Variants in DNAJB1 observed in about 807,000 individuals in gnomAD.
The protein encoded by DNAJB1 is DnaJ heat shock protein family (Hsp40) member B1, also known as dnaJ homolog subfamily B member 1.
In DNAJB1, 14 loss-of-function variants were observed where a neutral mutation model predicts 24.0. The observed-to-expected ratio is 0.58, with a 90% confidence interval of 0.39 to 0.91. The LOEUF is 0.91. Ranked by LOEUF, DNAJB1 falls within the 40% of genes least tolerant of loss-of-function variation. The probability of loss-of-function intolerance (pLI) is 0.00; values close to 1 mark genes in which losing one functional copy is unlikely to be tolerated. For missense variants in DNAJB1, 517 were observed against 458.1 expected (o/e 1.13, Z -1.17); for synonymous variants, 262 against 174.4 (o/e 1.50, Z -3.96).
Position 14,518,321 on chromosome 19 carries a change from C to A in DNAJB1, c.29G>T (p.Gly10Val). The change falls in exon 1 of 3, where the codon GGC (glycine) becomes GTC (valine). Residue 10 changes from glycine (G) to valine (V), a missense_variant. Transcript: ENST00000254322. ...CTCGTCCGACGCGCCGCGGGCCAGG[C>A]CCAACGTCTGGTAGTAGTCTTTACC... The part of the protein sequence containing the change: MGKDYYQTL[G>V]LARGASDEEI... 1.9e-6 allele frequency: 3 copies of A among 1,603,368 alleles called. No homozygotes were observed. Among genetic ancestry groups the A allele is most frequent in the Non-Finnish European group, 2.5e-6 (3 of 1,177,520 alleles).
At chr19:14,547,959 AT>A (rs1281716289) in intron 1 of DNAJB1, among the ~76,000 whole-genome samples, 1 of 134,866 alleles carries the variant, frequency 7.4e-6, no homozygotes, top group Non-Finnish European at 1.6e-5. Flanking sequence ...TTTAATGGGC[AT>A]TTCTTTTTTT....
In DNAJB1 at chr19:14,536,022, C is replaced by T. The variant is rs537010355; in HGVS notation, c.-213-8212G>A. Among the ~76,000 whole-genome samples, 159 of 152,122 alleles carry T rather than the reference C, an allele frequency of 1.0e-3. 4 individuals carry two copies. In the South Asian group the frequency reaches 0.03, roughly 28 times the overall value. ...GTAGGCACTCAGAATCTCAGAGCCC[C>T]AGGCTTGAGATAATTTTTCTGGTTT... On this transcript the variant is annotated intron_variant, in intron 1 of 3. Transcript: ENST00000676982.
In DNAJB1 at chr19:14,516,808, G is replaced by A. The variant is rs2072272518; in HGVS notation, c.450C>T (p.Arg150=). The change falls in exon 2 of 3, where the codon CGC becomes CGT. Residue 150 remains arginine (R), a synonymous_variant. Coordinates refer to ENST00000254322, the MANE Select transcript of DNAJB1 (RefSeq NM_006145.3). ...GFTNVNFGRS[R]SAQEPARKKQ... Reference sequence around the variant, plus strand: ...TCTTTCGGGCGGGCTCTTGGGCAGAGCGGGAGCGGCCAAAGTTCACGTTGG... The same window carrying A: ...TCTTTCGGGCGGGCTCTTGGGCAGAACGGGAGCGGCCAAAGTTCACGTTGG... The A allele has an allele frequency of 3.1e-6, 5 of 1,613,850 alleles. No individual in the cohort carries two copies. The highest frequency in any genetic ancestry group is 4.2e-6 in the Non-Finnish European group (5 of 1,179,970).
chr19:14,554,594 C>G (rs2073653130), upstream of DNAJB1, among the ~76,000 whole-genome samples: 1 of 152,184 alleles, frequency 6.6e-6, no homozygotes, highest in African/African-American at 2.4e-5. Flanking sequence ...CTGTGTGTGC[C>G]AGGCCTTCAG....
At chr19:14,557,896 C>T (rs1374406506) in intron 1 of DNAJB1, among the ~76,000 whole-genome samples, 1 of 152,122 alleles carries the variant, frequency 6.6e-6, no homozygotes, top group African/African-American at 2.4e-5. Context: ...GCTGGGACTA[C>T]AGGCACCCAC....
In DNAJB1 at chr19:14,516,169, G is replaced by C; in HGVS notation, c.794C>G (p.Ala265Gly). Residue 265 changes from alanine (A) to glycine (G), a missense_variant and splice_region_variant, in exon 3 of 3, where the codon GCT (alanine) becomes GGT (glycine). Transcript: ENST00000254322. The stretch of plus-strand genomic sequence containing the variant: ...GACGTTCACTGTGCAGCCACACAGA[G>C]CCTTGAAAAGCAAAAGGACAGCATT... Reference protein sequence around the residue: ...IYPARISLREALCGCTVNVPT... With the variant: ...IYPARISLREGLCGCTVNVPT... The C allele has an allele frequency of 1.9e-6, 3 of 1,613,382 alleles. No individual in the cohort carries two copies. The highest frequency in any genetic ancestry group is 2.5e-6 in the Non-Finnish European group (3 of 1,179,884).
intron 2 of DNAJB1, among the ~76,000 whole-genome samples, chr19:14,525,818 G>A (rs539342868): frequency 6.6e-6 from 1 of 150,914 alleles, no homozygotes; most frequent in Non-Finnish European, 1.5e-5. Flanking sequence ...AAAAAAAAAA[G>A]AAGGAGAAAA....
chr19:14,518,314 G>A lies in DNAJB1; in HGVS notation c.36C>T (p.Ala12=), dbSNP rs2072313720. The A allele has an allele frequency of 3.1e-6, 5 of 1,605,578 alleles. No homozygotes were observed. The highest frequency in any genetic ancestry group is 2.2e-5 in the East Asian group (1 of 44,470). ...GKDYYQTLGL[A]RGASDEEIKR... ...TGATCTCCTCGTCCGACGCGCCGCGGGCCAGGCCCAACGTCTGGTAGTAGT... is the reference window on the plus strand; with the variant it reads ...TGATCTCCTCGTCCGACGCGCCGCGAGCCAGGCCCAACGTCTGGTAGTAGT... Residue 12 remains alanine (A), a synonymous_variant, in exon 1 of 3, where the codon GCC becomes GCT. Coordinates refer to ENST00000254322, the MANE Select transcript of DNAJB1 (RefSeq NM_006145.3).
At chr19:14,520,173 C>T (rs1165590661), upstream of DNAJB1, among the ~76,000 whole-genome samples, 1 of 152,154 alleles carries the variant, frequency 6.6e-6, no homozygotes, top group Non-Finnish European at 1.5e-5. Context: ...GCAAAGTGCT[C>T]AGAGCAGGCA....
intron 1 of DNAJB1, 29 bp from the exon 2 acceptor site, chr19:14,517,075 T>C (rs747048393): frequency 1.1e-5 from 17 of 1,577,498 alleles, no homozygotes; most frequent in Non-Finnish European, 1.4e-5. Flanking sequence ...AGCAGTCAGA[T>C]GGCTGAACAG....
Position 14,514,921 on chromosome 19 carries a change from C to G in DNAJB1, c.*1019G>C, listed in dbSNP as rs1373998833. Reference sequence around the variant, plus strand: ...AGACATTTGTTCCAACTCCCCTTCCCTCCCCAAGATTTCTTCAGAATTCCA... The same window carrying G: ...AGACATTTGTTCCAACTCCCCTTCCGTCCCCAAGATTTCTTCAGAATTCCA... On this transcript the variant is annotated 3_prime_UTR_variant, in exon 3 of 3. Transcript: ENST00000254322. 6.6e-6 allele frequency: 1 copy of G among 152,624 alleles called. No homozygotes were observed. Among genetic ancestry groups the G allele is most frequent in the Non-Finnish European group, 1.5e-5 (1 of 68,084 alleles). 9.5% of individuals were successfully genotyped at this position (152,624 alleles called of 1,614,324 possible). A position where few individuals can be genotyped will look rare whatever the true frequency, so the allele number is the denominator to read the frequency against.
At chr19:14,554,235 C>T (rs2073640479), upstream of DNAJB1, among the ~76,000 whole-genome samples, 3 of 152,190 alleles carry the variant, frequency 2.0e-5, 1 homozygote, top group South Asian at 6.3e-4. Flanking sequence ...GTCTGGGAAG[C>T]TGTGGCAGTT....
chr19:14,533,292 C>T (rs1419953579), upstream of DNAJB1, among the ~76,000 whole-genome samples: 4 of 151,648 alleles, frequency 2.6e-5, no homozygotes, highest in Admixed American at 1.3e-4. Flanking sequence ...TGGTGGCGCA[C>T]GCCTGAAATC....
chr19:14,518,400 C>G (rs1362515436), upstream of DNAJB1: 4 of 1,505,494 alleles, frequency 2.7e-6, no homozygotes, highest in Non-Finnish European at 3.5e-6. Context: ...CCGGCTCCGC[C>G]GCCGACCAGT....
At chr19:14,529,579 C>A, upstream of DNAJB1, 2 of 1,505,852 alleles carry the variant, frequency 1.3e-6, no homozygotes, top group Non-Finnish European at 1.8e-6. Context: ...AGGGGCGGGG[C>A]GGACGCAGAG....
upstream of DNAJB1, among the ~76,000 whole-genome samples, chr19:14,523,245 G>A (rs564358147): frequency 6.6e-6 from 1 of 152,212 alleles, no homozygotes; most frequent in South Asian, 2.1e-4. Context: ...TTACGCTGCT[G>A]GTGTTGCTAT....
At chr19:14,552,315 T>G (rs1277249248), upstream of DNAJB1, among the ~76,000 whole-genome samples, 1 of 151,348 alleles carries the variant, frequency 6.6e-6, no homozygotes, top group East Asian at 2.0e-4. Flanking sequence ...ATTATAGGCG[T>G]GAGCCACCGT....
rs187756468 is a variant in DNAJB1 at position 14,549,362 on chromosome 19, G to A, written c.-214+846C>T. Among the ~76,000 whole-genome samples, 81 of 151,966 alleles carry A rather than the reference G, an allele frequency of 5.3e-4. 1 individual carries two copies. In the East Asian group the frequency reaches 0.01, roughly 19 times the overall value. ...CAAGGAGCTGGGACTACAGGCATGC[G>A]CCACCATGCCCAGCTAACTTTTGTA... On this transcript the variant is annotated intron_variant, in intron 1 of 3. Transcript: ENST00000676982.
upstream of DNAJB1, among the ~76,000 whole-genome samples, chr19:14,551,453 C>T (rs1042110199): frequency 6.6e-6 from 1 of 152,100 alleles, no homozygotes; most frequent in African/African-American, 2.4e-5. Context: ...TAAGCAGTCC[C>T]TGTGTTAGAT....
Sources: gnomAD v4.1 joint callset for allele counts (sites outside exome capture counted in the v4.1 genomes callset) on GRCh38, gnomAD v4.1.1 for gene constraint, MANE v1.5 for transcripts, NCBI Gene and HGNC (gene_info 2026-07-23, HGNC 2026-07-21) for gene names.